The following ZSCAN18 variants were observed in gnomAD, a reference collection of about 807,000 sequenced individuals.
The protein encoded by ZSCAN18 is zinc finger and SCAN domain containing 18, also known as zinc finger and SCAN domain-containing protein 18.
A neutral mutation model predicts 31.1 loss-of-function variants in ZSCAN18; 16 were observed. The observed-to-expected ratio is 0.51, with a 90% CI of 0.35 to 0.78. The LOEUF is 0.78. Ranked by LOEUF, ZSCAN18 falls within the 30% of genes least tolerant of loss-of-function variation. The probability of loss-of-function intolerance (pLI) is 0.01; values close to 1 mark genes in which losing one functional copy is unlikely to be tolerated. For missense variants in ZSCAN18, 731 were observed against 697.4 expected (o/e 1.05, Z -0.54); for synonymous variants, 375 against 320.7 (o/e 1.17, Z -1.81).
intron 3 of ZSCAN18, 157 bp from the exon 4 acceptor site, chr19:58,087,561 A>G: frequency 1.5e-6 from 1 of 650,742 alleles, no homozygotes; most frequent in East Asian, 2.8e-5. Context: ...TCCCTGATTT[A>G]CAAAGCAGCG....
intron 1 of ZSCAN18, among the ~76,000 whole-genome samples, chr19:58,097,548 GAC>G (rs1568638634): frequency 1.3e-5 from 2 of 151,488 alleles, no homozygotes; most frequent in Admixed American, 6.6e-5. Flanking sequence ...GGGCAGCAGA[GAC>G]AATGCCCATT....
At chr19:58,116,408 C>A (rs1233108599) in intron 1 of ZSCAN18, among the ~76,000 whole-genome samples, 2 of 151,660 alleles carry the variant, frequency 1.3e-5, no homozygotes, top group Non-Finnish European at 2.9e-5. Flanking sequence ...AGCAGTGGAT[C>A]AGACAGATGA....
In ZSCAN18 at chr19:58,089,992, C is replaced by G; in HGVS notation, c.276G>C (p.Leu92=). 3 of 1,614,078 alleles carry G rather than the reference C, an allele frequency of 1.9e-6. No homozygotes were observed. Among genetic ancestry groups the G allele is most frequent in the Non-Finnish European group, 2.5e-6 (3 of 1,180,042 alleles). ...ARSKEQMLEL[L]VLEQFLGILP... The stretch of plus-strand genomic sequence containing the variant: ...GGATGCCCAGGAACTGCTCCAGCAC[C>G]AGCAGCTCCAGCATCTGCTCCTTGG... Residue 92 remains leucine, a synonymous_variant, in exon 2 of 7, where the codon CTG becomes CTC. Transcript: ENST00000601144.
Position 58,090,235 on chromosome 19 carries a change from G to A in ZSCAN18, c.33C>T (p.Pro11=). Residue 11 remains proline, a synonymous_variant, in exon 2 of 7, where the codon CCC becomes CCT. Transcript: ENST00000601144. The surrounding 1 kb of genome is among the most constrained non-coding windows in gnomAD (Gnocchi z 4.7). MLPLEKAFAS[P]RSSPAPPDLP... ...GATCCGGCGGGGCTGGGGAGCTCCT[G>A]GGGGAGGCAAACGCCTTCTCCAAAG... 6.2e-7 allele frequency: 1 copy of A among 1,613,480 alleles called. No individual in the cohort carries two copies. The highest frequency in any genetic ancestry group is 8.5e-7 in the Non-Finnish European group (1 of 1,180,022).
At chr19:58,108,144 T>A (rs1029053080) in intron 1 of ZSCAN18, 1 of 986,916 alleles carries the variant, frequency 1.0e-6, no homozygotes, top group African/African-American at 1.7e-5. Context: ...ACTGTTGTGG[T>A]TGGAGAATTT....
upstream of ZSCAN18, among the ~76,000 whole-genome samples, chr19:58,103,121 A>C (rs1231371030): frequency 1.5e-4 from 5 of 32,928 alleles, no homozygotes; most frequent in African/African-American, 2.7e-4. Flanking sequence ...GACTCTCTCT[A>C]AAAAAAAATA....
At chr19:58,085,475 C>T in intron 6 of ZSCAN18, 96 bp from the exon 7 acceptor site, 1 of 1,137,072 alleles carries the variant, frequency 8.8e-7, no homozygotes, top group Middle Eastern at 3.0e-4. Context: ...GCGCACAGGG[C>T]TCCGGGCTCT....
rs1334487299 is a variant in ZSCAN18 at position 58,085,303 on chromosome 19, A to G, written c.915T>C (p.Pro305=). The G allele has an allele frequency of 1.9e-6, 3 of 1,598,286 alleles. No individual in the cohort carries two copies. Among genetic ancestry groups the G allele is most frequent in the East Asian group, 4.5e-5 (2 of 44,764 alleles). ...GGGCGTCCCCAGGGGGCGCCTCCGTAGGCAGCTCAGGCAGCACCCCCGCGG... is the reference window on the plus strand; with the variant it reads ...GGGCGTCCCCAGGGGGCGCCTCCGTGGGCAGCTCAGGCAGCACCCCCGCGG... ...AAPAGVLPEL[P]TEAPPGDALA... The change falls in exon 7 of 7, where the codon CCT becomes CCC. Residue 305 remains proline, a synonymous_variant. Coordinates refer to ENST00000601144, the MANE Select transcript of ZSCAN18 (RefSeq NM_001145543.2).
chr19:58,108,477 G>A, intron 1 of ZSCAN18: 1 of 985,756 alleles, frequency 1.0e-6, no homozygotes, highest in Non-Finnish European at 1.2e-6. Context: ...GGTGGAGCCA[G>A]CACTGAAGGC....
intron 1 of ZSCAN18, chr19:58,108,999 A>C: frequency 8.3e-7 from 1 of 1,200,786 alleles, no homozygotes; most frequent in South Asian, 4.3e-5. Context: ...AGTCATGTTC[A>C]CAGAAACCTG....
chr19:58,117,731 AAG>A (rs1231420616), intron 1 of ZSCAN18, among the ~76,000 whole-genome samples: 1 of 150,872 alleles, frequency 6.6e-6, no homozygotes, highest in Non-Finnish European at 1.5e-5. Context: ...AAAAAAAAAA[AAG>A]AGAATATTGG....
upstream of ZSCAN18, among the ~76,000 whole-genome samples, chr19:58,102,461 AAAACAAACAAACAAAC>A (rs75475027): frequency 6.8e-6 from 1 of 146,988 alleles, no homozygotes; most frequent in Non-Finnish European, 1.5e-5. Flanking sequence ...ACTCCATCTC[AAAACAAACAAACAAAC>A]AAACAAACAA....
At chr19:58,085,478 CGGGCTCT>C in intron 6 of ZSCAN18, 99 bp from the exon 7 acceptor site, 3 of 1,119,158 alleles carry the variant, frequency 2.7e-6, no homozygotes, top group Non-Finnish European at 3.7e-6. Context: ...CACAGGGCTC[CGGGCTCT>C]GGATCCCCGC....
At chr19:58,095,817 T>G (rs2074510345) in intron 1 of ZSCAN18, among the ~76,000 whole-genome samples, 1 of 152,172 alleles carries the variant, frequency 6.6e-6, no homozygotes, top group Non-Finnish European at 1.5e-5. Context: ...GGAAGCCACC[T>G]CTGCCTCCAC....
At chr19:58,095,695 T>C (rs1240064229) in intron 1 of ZSCAN18, among the ~76,000 whole-genome samples, 1 of 152,170 alleles carries the variant, frequency 6.6e-6, no homozygotes, top group African/African-American at 2.4e-5. Context: ...ACCCTCCGGC[T>C]GGGTCACTGG....
chr19:58,117,830 A>G (rs1731744803), intron 1 of ZSCAN18, among the ~76,000 whole-genome samples: 1 of 151,484 alleles, frequency 6.6e-6, no homozygotes, highest in South Asian at 2.1e-4. Flanking sequence ...CCCCCGCCCC[A>G]AAGGGGGCCT....
intron 1 of ZSCAN18, among the ~76,000 whole-genome samples, chr19:58,105,155 G>A (rs899824802): frequency 1.3e-5 from 2 of 152,172 alleles, no homozygotes; most frequent in Non-Finnish European, 2.9e-5. Flanking sequence ...ATGACAGTAC[G>A]TGTTTACAGT....
At chr19:58,101,629 T>C (rs534650729), upstream of ZSCAN18, among the ~76,000 whole-genome samples, 78 of 151,476 alleles carry the variant, frequency 5.1e-4, no homozygotes, top group African/African-American at 1.8e-3. Context: ...AAGTGGTTCT[T>C]CTGCCTCAGC....
chr19:58,098,314 G>A (rs1395930335), upstream of ZSCAN18: 17 of 985,384 alleles, frequency 1.7e-5, no homozygotes, highest in Non-Finnish European at 1.9e-5. Flanking sequence ...GCGCACCGGG[G>A]CGAGCAAGGG....
Sources: gnomAD v4.1 joint callset for allele counts (sites outside exome capture counted in the v4.1 genomes callset) on GRCh38, gnomAD v4.1.1 for gene constraint, Gnocchi (gnomAD v3.1) non-coding constraint, MANE v1.5 for transcripts, NCBI Gene and HGNC (gene_info 2026-07-23, HGNC 2026-07-21) for gene names.